Variants in HTR3B observed in about 807,000 individuals in gnomAD.
The protein encoded by HTR3B is 5-hydroxytryptamine (serotonin) receptor 3B, ionotropic.
A neutral mutation model predicts 42.8 loss-of-function variants in HTR3B; 44 were observed. That is an observed-to-expected ratio of 1.03 (90% CI 0.81 to 1.32). The LOEUF (loss-of-function observed/expected upper bound fraction) is 1.32. HTR3B is among the 40% of genes most tolerant of loss of function. The pLI is 0.00. For synonymous variants in HTR3B, 203 were observed against 209.0 expected, an observed-to-expected ratio of 0.97 and a Z score of 0.25; for missense variants, 527 against 536.5, an observed-to-expected ratio of 0.98 and a Z score of 0.17.
At chr11:113,934,387 GA>G (rs1950068440) in intron 6 of HTR3B, among the ~76,000 whole-genome samples, 1 of 143,606 alleles carries the variant, frequency 7.0e-6, no homozygotes, top group Admixed American at 7.1e-5. Context: ...AAGGATGGAA[GA>G]AGAAAGAAGG....
intron 6 of HTR3B, among the ~76,000 whole-genome samples, chr11:113,941,784 G>C (rs1950137009): frequency 6.6e-6 from 1 of 152,152 alleles, no homozygotes; most frequent in East Asian, 1.9e-4. Flanking sequence ...GAAAACCACA[G>C]GTCCTATCTG....
intron 6 of HTR3B, among the ~76,000 whole-genome samples, chr11:113,936,803 C>T (rs1167174795): frequency 2.6e-5 from 4 of 152,070 alleles, no homozygotes; most frequent in Admixed American, 2.6e-4. Context: ...GTCAAAATTC[C>T]AACTGTGTCA....
intron 2 of HTR3B, among the ~76,000 whole-genome samples, chr11:113,922,431 G>A (rs776763613): frequency 6.6e-6 from 1 of 151,842 alleles, no homozygotes; most frequent in Non-Finnish European, 1.5e-5. Flanking sequence ...ACTTAATTTC[G>A]CCATGTTGCC....
chr11:113,946,115 G>A lies in HTR3B; in HGVS notation c.1304G>A (p.Trp435Ter), dbSNP rs773069938. The A allele has an allele frequency of 6.2e-7, 1 of 1,613,526 alleles. No individual in the cohort carries two copies. Among genetic ancestry groups the A allele is most frequent in the African/African-American group, 1.3e-5 (1 of 74,988 alleles). ...TACACCATCACTCTGTGCTCCCTCT[G>A]GGCACTGTGGGGCGGCGTGTGAAGA... ...GIYTITLCSL[W>*]ALWGGV The change falls in exon 9 of 9, where the codon TGG becomes TAG. Residue 435 changes from tryptophan (W) to a stop codon, truncating the protein, a stop_gained. Transcript: ENST00000260191. LOFTEE classifies it high-confidence loss of function.
intron 2 of HTR3B, among the ~76,000 whole-genome samples, chr11:113,925,373 T>G (rs1353865309): frequency 6.6e-6 from 1 of 152,050 alleles, no homozygotes; most frequent in African/African-American, 2.4e-5. Flanking sequence ...AAGTGACTCT[T>G]GAGCTTTGAA....
At chr11:113,944,471 A>G in intron 7 of HTR3B, 102 bp from the exon 8 acceptor site, 1 of 1,082,190 alleles carries the variant, frequency 9.2e-7, no homozygotes, top group Middle Eastern at 2.1e-4. Flanking sequence ...ACTGCACTCC[A>G]GCTTGGGCAA....
At chr11:113,945,819 A>G (rs756506383) in intron 8 of HTR3B, 83 bp from the exon 9 acceptor site, 347 of 949,454 alleles carry the variant, frequency 3.7e-4, no homozygotes, top group Non-Finnish European at 5.6e-4. Flanking sequence ...TCCTTGAAGG[A>G]TGAGGCCATC....
intron 2 of HTR3B, among the ~76,000 whole-genome samples, chr11:113,930,162 G>T (rs548620861): frequency 6.6e-6 from 1 of 152,266 alleles, no homozygotes. Context: ...TCTGTGGGTT[G>T]TCTTTTTCAT....
In HTR3B at chr11:113,943,204, C is replaced by CG. The variant is rs767225320; in HGVS notation, c.907+16dup. 5.6e-6 allele frequency: 9 copies of CG among 1,601,298 alleles called. No individual in the cohort carries two copies. The highest frequency in any genetic ancestry group is 7.7e-6 in the Non-Finnish European group (9 of 1,170,432). On this transcript the variant is annotated intron_variant, in intron 7 of 8. Transcript: ENST00000260191. ...CACCCCTCTGATTGGTAAGCAGCCT[C>CG]GGGGTCACTGGACACTCATCTTACA...
At chr11:113,925,756 T>C (rs1949964017) in intron 2 of HTR3B, among the ~76,000 whole-genome samples, 1 of 152,168 alleles carries the variant, frequency 6.6e-6, no homozygotes, top group South Asian at 2.1e-4. Flanking sequence ...AAAAATGAGT[T>C]CAAGGAGAGT....
chr11:113,904,704 G>A (rs1949721200), upstream of HTR3B: 5 of 489,336 alleles, frequency 1.0e-5, no homozygotes, highest in East Asian at 3.4e-5. Context: ...CAGAACCAAA[G>A]GGAGAAGTTA....
intron 2 of HTR3B, among the ~76,000 whole-genome samples, chr11:113,929,084 G>C (rs1196186360): frequency 6.6e-6 from 1 of 152,126 alleles, no homozygotes; most frequent in Non-Finnish European, 1.5e-5. Context: ...TTTTAAGAAA[G>C]TGCCATACTG....
upstream of HTR3B, among the ~76,000 whole-genome samples, chr11:113,900,891 AC>A (rs1221698073): frequency 3.0e-4 from 46 of 152,144 alleles, no homozygotes; most frequent in Admixed American, 3.0e-3. Context: ...GGGAAGCGCC[AC>A]ACTTTTAAAC....
intron 5 of HTR3B, 35 bp downstream of exon 5, chr11:113,932,493 G>A (rs1950046388): frequency 1.4e-6 from 2 of 1,456,686 alleles, no homozygotes; most frequent in Non-Finnish European, 1.9e-6. Context: ...ATGCTAGGTT[G>A]GTGCACATAG....
intron 2 of HTR3B, among the ~76,000 whole-genome samples, chr11:113,923,100 G>A (rs1036925759): frequency 6.6e-6 from 1 of 152,186 alleles, no homozygotes; most frequent in African/African-American, 2.4e-5. Context: ...CTCTGTAAAT[G>A]TCTCTATTGC....
At chr11:113,908,010 C>T (rs1357697032) in intron 1 of HTR3B, among the ~76,000 whole-genome samples, 1 of 152,186 alleles carries the variant, frequency 6.6e-6, no homozygotes, top group Non-Finnish European at 1.5e-5. Context: ...ATGCCTGATG[C>T]AAGCCACACA....
intron 2 of HTR3B, among the ~76,000 whole-genome samples, chr11:113,927,506 A>T (rs1288647514): frequency 6.6e-6 from 1 of 152,052 alleles, no homozygotes; most frequent in Non-Finnish European, 1.5e-5. Flanking sequence ...TTCTCTGCAC[A>T]TGTTTTCTTA....
At chr11:113,938,365 T>A (rs538143520) in intron 6 of HTR3B, among the ~76,000 whole-genome samples, 1 of 152,286 alleles carries the variant, frequency 6.6e-6, no homozygotes, top group East Asian at 1.9e-4. Context: ...AAATATCATC[T>A]AAATATAAAC....
chr11:113,913,270 G>C (rs1468159311), intron 2 of HTR3B, among the ~76,000 whole-genome samples: 1 of 148,740 alleles, frequency 6.7e-6, no homozygotes, highest in Non-Finnish European at 1.5e-5. Context: ...TGCAGCCGCC[G>C]CCTCCAGGGT....
Sources: allele counts gnomAD v4.1 joint callset (sites outside exome capture counted in the v4.1 genomes callset), GRCh38; gene constraint gnomAD v4.1.1; transcripts MANE v1.5; gene names NCBI Gene and HGNC (gene_info 2026-07-23, HGNC 2026-07-21).